Variants in GAK observed in about 807,000 individuals in gnomAD.
GAK encodes cyclin-G-associated kinase.
Under a neutral mutation model 143.9 loss-of-function variants are expected in GAK, and 79 were observed. That is an observed-to-expected ratio of 0.55 (90% CI 0.46 to 0.66). The LOEUF is 0.66. Ranked by LOEUF, GAK falls within the 30% of genes least tolerant of loss-of-function variation. The pLI is 0.00. For missense variants in GAK, 1,693 were observed against 1,779.7 expected (o/e 0.95, Z 0.88); for synonymous variants, 881 against 765.5 (o/e 1.15, Z -2.49).
At chr4:888,418 G>C in intron 11 of GAK, 1 of 177,176 alleles carries the variant, frequency 5.6e-6, no homozygotes, top group Non-Finnish European at 1.2e-5. Flanking sequence ...AGCCCACCCA[G>C]AGGGAGACTT....
chr4:866,393 G>A lies in GAK; in HGVS notation c.3014C>T (p.Pro1005Leu), dbSNP rs757147831. The A allele has an allele frequency of 3.1e-6, 5 of 1,614,006 alleles. No individual in the cohort carries two copies. The highest frequency in any genetic ancestry group is 3.4e-6 in the Non-Finnish European group (4 of 1,179,914). The change falls in exon 22 of 28, where the codon CCA becomes CTA. Residue 1005 changes from proline to leucine, a missense_variant. Pro to Leu is a moderately conservative substitution (Grantham distance 98). This residue lies in a region of GAK where 822 missense variants were observed against 788.7 expected (regional missense o/e 1.04). Coordinates refer to ENST00000314167, the MANE Select transcript of GAK (RefSeq NM_005255.4). ...SFPSAHSAPP[P>L]SCSADFLHLG... ...GTGCAGGAAGTCGGCGCTGCAGGAT[G>A]GGGGCGGAGCACTGTGGGCAGACGG...
chr4:915,217 G>A (rs1436950109), intron 1 of GAK, among the ~76,000 whole-genome samples: 1 of 147,598 alleles, frequency 6.8e-6, no homozygotes, highest in African/African-American at 2.5e-5. Flanking sequence ...CAGCCCCAGC[G>A]TACATGGCCC....
At chr4:930,424 A>T (rs1036043916) in intron 1 of GAK, among the ~76,000 whole-genome samples, 2 of 151,484 alleles carry the variant, frequency 1.3e-5, no homozygotes, top group Admixed American at 6.6e-5. Flanking sequence ...GTGACCCACA[A>T]GCTTCTTTCT....
At chr4:923,910 C>T (rs6847650) in intron 1 of GAK, among the ~76,000 whole-genome samples, 85,920 of 151,912 alleles carry the variant, frequency 0.57, 24,775 homozygotes, top group South Asian at 0.67. Context: ...AAAGGCCAGG[C>T]GCCGTGGCTC....
chr4:890,760 C>T (rs948289880), intron 9 of GAK, 138 bp from the exon 10 acceptor site: 1 of 645,774 alleles, frequency 1.5e-6, no homozygotes, highest in Non-Finnish European at 2.6e-6. Context: ...AAGGGAGGAA[C>T]TTCCCACAGG....
Position 904,787 on chromosome 4 carries a change from A to G in GAK, c.383-8T>C. 1 of 1,613,472 alleles carries G rather than the reference A, an allele frequency of 6.2e-7. No homozygotes were observed. The highest frequency in any genetic ancestry group is 8.5e-7 in the Non-Finnish European group (1 of 1,179,652). ...AAAATTCCACCAGCTGCCCTAAAAG[A>G]GAATGAAACTCACATGGAGGCAGGA... is the stretch of plus-strand genomic sequence containing the variant. On this transcript the variant is annotated splice_polypyrimidine_tract_variant and splice_region_variant and intron_variant, in intron 4 of 27. Transcript: ENST00000314167.
rs570719970 is a variant in GAK, at chr4:920,142, A to G, written c.146-6474T>C. ...GCTAACGCAGTGAGACCCCGTCTCT[A>G]CTAAAAATACAAAAAATTAGCCCGG... On this transcript the variant is annotated intron_variant, in intron 1 of 27. Transcript: ENST00000314167. Among the ~76,000 whole-genome samples the G allele has an allele frequency of 1.1e-4, 16 of 152,236 alleles. 1 individual carries two copies. The South Asian group carries it at 3.1e-3, about 30-fold the overall frequency.
rs182806104 is a variant in GAK at position 930,971 on chromosome 4, C to T, written c.145+1072G>A. On this transcript the variant is annotated intron_variant, in intron 1 of 27. Coordinates refer to ENST00000314167, the MANE Select transcript of GAK (RefSeq NM_005255.4). ...ACCAGGGAGCTGGTGAGGGTGAGGG[C>T]TTTTGTGTCGCTTCACTCCCTCTCC... Among the ~76,000 whole-genome samples the T allele has an allele frequency of 4.6e-5, 7 of 152,320 alleles. No individual in the cohort carries two copies. The East Asian group carries it at 1.3e-3, about 29-fold the overall frequency.
Position 904,655 on chromosome 4 carries a change from G to A in GAK, c.507C>T (p.Ile169=). Residue 169 remains isoleucine (I), a synonymous_variant, in exon 5 of 28, where the codon ATC becomes ATT. Transcript: ENST00000314167. Reference sequence around the variant, plus strand: ...CCACTACCTTGAGGTCCCTGTGGATGATGGGCGGCTTCTGCCGGTGCATGT... The same window carrying A: ...CCACTACCTTGAGGTCCCTGTGGATAATGGGCGGCTTCTGCCGGTGCATGT... ...VQHMHRQKPP[I]IHRDLKVENL... 1 of 1,599,602 alleles carries A rather than the reference G, an allele frequency of 6.3e-7. No individual in the cohort carries two copies. Among genetic ancestry groups the A allele is most frequent in the Non-Finnish European group, 8.5e-7 (1 of 1,171,218 alleles).
chr4:849,937 C>T lies in GAK; in HGVS notation c.3789G>A (p.Val1263=), dbSNP rs1335755492. The T allele has an allele frequency of 1.2e-6, 2 of 1,604,596 alleles. No homozygotes were observed. The highest frequency in any genetic ancestry group is 1.1e-5 in the South Asian group (1 of 90,702). The change falls in exon 27 of 28, where the codon GTG becomes GTA. Residue 1263 remains valine (V), a synonymous_variant. Coordinates refer to ENST00000314167, the MANE Select transcript of GAK (RefSeq NM_005255.4). ...GCACCGCGCGGCGATAGTGCTTCTT[C>T]ACTTGCTCCGGAGCCACCAGGTCGG... ...GMADLVAPEQ[V]KKHYRRAVLA... is the part of the protein sequence containing the mutation.
At chr4:879,604 C>T (rs148182522) in intron 15 of GAK, among the ~76,000 whole-genome samples, 7 of 152,276 alleles carry the variant, frequency 4.6e-5, no homozygotes, top group African/African-American at 1.4e-4. Context: ...CCTCTGTGCT[C>T]GGTTTGCAGG....
chr4:870,218 C>A (rs1712248473), intron 19 of GAK, among the ~76,000 whole-genome samples: 3 of 152,234 alleles, frequency 2.0e-5, no homozygotes. Context: ...AAACCAAGAG[C>A]CGAGAACAAG....
chr4:894,080 A>C (rs11726912), intron 7 of GAK, 71 bp from the exon 8 acceptor site: 150,204 of 1,383,306 alleles, frequency 0.11, 8,514 homozygotes, highest in South Asian at 0.2. Flanking sequence ...CTGCGGGGAG[A>C]GCAGGGGTGA....
intron 9 of GAK, among the ~76,000 whole-genome samples, chr4:891,018 C>T (rs1382262972): frequency 4.6e-5 from 7 of 150,590 alleles, no homozygotes; most frequent in African/African-American, 1.7e-4. Flanking sequence ...AGGGCTGTGG[C>T]ACGATCTCAG....
intron 1 of GAK, among the ~76,000 whole-genome samples, chr4:929,393 G>A (rs959102303): frequency 2.0e-5 from 3 of 152,282 alleles, no homozygotes; most frequent in Admixed American, 2.0e-4. Flanking sequence ...CAGTAACCCC[G>A]AGTTCAAGTC....
Position 881,957 on chromosome 4 carries a change from G to A in GAK, c.1611C>T (p.Tyr537=). 6.2e-7 allele frequency: 1 copy of A among 1,600,160 alleles called. No individual in the cohort carries two copies. Residue 537 remains tyrosine (Y), a synonymous_variant, in exon 15 of 28, where the codon TAC becomes TAT. Transcript: ENST00000314167. ...RLFSTAEAAV[Y]MFSMKRCPPG... ...GTGGGCAGCGCTTCATGCTGAACATGTACACGGCGGCCTCCGCGGTGCTGA... is the reference window on the plus strand; with the variant it reads ...GTGGGCAGCGCTTCATGCTGAACATATACACGGCGGCCTCCGCGGTGCTGA...
chr4:888,955 T>C lies in GAK; in HGVS notation c.1097A>G (p.Glu366Gly). The change falls in exon 11 of 28, where the codon GAG (glutamate) becomes GGG (glycine). Residue 366 changes from glutamate to glycine, a missense_variant. By Grantham distance (98) the Glu-to-Gly change is moderately conservative. Transcript: ENST00000314167. Reference protein sequence around the residue: ...SGYSGGLALAEYDQPYGGFLD... With the variant: ...SGYSGGLALAGYDQPYGGFLD... ...GAAGCCGCCATACGGCTGGTCGTAC[T>C]CCGCCAGCGCCAGGCCTGCAGGGAG... The C allele has an allele frequency of 6.2e-7, 1 of 1,611,188 alleles. No homozygotes were observed.
At chr4:889,102 G>GCTCGGTCC in intron 10 of GAK, 132 bp from the exon 11 acceptor site, 1 of 1,199,386 alleles carries the variant, frequency 8.3e-7, no homozygotes. Context: ...CTCCCCAGGT[G>GCTCGGTCC]CAGGTTGCTG....
At chr4:860,951 T>G (rs1750172285) in intron 23 of GAK, among the ~76,000 whole-genome samples, 1 of 152,258 alleles carries the variant, frequency 6.6e-6, no homozygotes, top group Non-Finnish European at 1.5e-5. Flanking sequence ...TGCCCCATTT[T>G]GGGAACTGTA....
Sources: gnomAD v4.1 joint callset for allele counts (sites outside exome capture counted in the v4.1 genomes callset) on GRCh38, gnomAD v4.1.1 for gene constraint, gnomAD v4.1.1 regional missense constraint, MANE v1.5 for transcripts, NCBI Gene and HGNC (gene_info 2026-07-23, HGNC 2026-07-21) for gene names.